OCIAD1: variants seen among roughly 807,000 people sequenced by gnomAD.
OCIAD1 encodes OCIA domain containing 1.
A neutral mutation model predicts 38.9 loss-of-function variants in OCIAD1; 29 were observed. The ratio of observed to expected loss-of-function variants is 0.74; its 90% CI spans 0.55 to 1.02. OCIAD1 has a LOEUF of 1.02. OCIAD1 is among the 50% of genes least tolerant of loss of function. The pLI, the probability that OCIAD1 is intolerant of heterozygous loss-of-function variation, is 0.00. For synonymous variants in OCIAD1, 110 were observed against 92.0 expected (o/e 1.20, Z -1.12); for missense variants, 288 against 289.6 (o/e 0.99, Z 0.04).
At chr4:48,840,132 GAGA>G (rs1341230416) in intron 3 of OCIAD1, among the ~76,000 whole-genome samples, 1 of 152,222 alleles carries the variant, frequency 6.6e-6, no homozygotes, top group Admixed American at 6.5e-5. Flanking sequence ...TTTATAGCAT[GAGA>G]AGAAGCTATG....
At chr4:48,837,642 CTTT>C (rs576203754) in intron 3 of OCIAD1, among the ~76,000 whole-genome samples, 2 of 97,668 alleles carry the variant, frequency 2.0e-5, no homozygotes, top group African/African-American at 3.6e-5. Context: ...AGCAACAGTT[CTTT>C]TTTTTTTTTT....
chr4:48,828,274 T>C (rs1327623339), upstream of OCIAD1, among the ~76,000 whole-genome samples: 2 of 152,204 alleles, frequency 1.3e-5, no homozygotes, highest in Non-Finnish European at 2.9e-5. Context: ...CAGCACTCTG[T>C]GTCTAGCTCA....
chr4:48,810,610 T>G (rs893863170), intron 1 of OCIAD1, among the ~76,000 whole-genome samples: 5 of 152,148 alleles, frequency 3.3e-5, no homozygotes, highest in African/African-American at 1.2e-4. Context: ...TATTTATTTA[T>G]TTAGTCTTTT....
chr4:48,842,171 A>G (rs971774227), intron 3 of OCIAD1, among the ~76,000 whole-genome samples: 4 of 152,216 alleles, frequency 2.6e-5, no homozygotes, highest in Non-Finnish European at 4.4e-5. Flanking sequence ...ACCTTATAGA[A>G]ATATGATAAA....
intron 1 of OCIAD1, among the ~76,000 whole-genome samples, chr4:48,807,383 A>G (rs1777038906): frequency 6.6e-6 from 1 of 152,044 alleles, no homozygotes; most frequent in Non-Finnish European, 1.5e-5. Context: ...TAAATCCTGG[A>G]TCTACTACTT....
At position 48,843,170 on chromosome 4, in the gene OCIAD1, C is replaced by T. The variant is rs532531833; in HGVS notation, c.193+481C>T. 5.9e-5 allele frequency among the ~76,000 whole-genome samples: 9 copies of T among 152,264 alleles called. No homozygotes were observed. The South Asian group carries it at 1.9e-3, about 32-fold the overall frequency. On this transcript the variant is annotated intron_variant, in intron 4 of 8. Coordinates refer to ENST00000264312, the MANE Select transcript of OCIAD1 (RefSeq NM_017830.4). ...AAAAATCAGAATCTCAGGGGTCTGG[C>T]AGGTGATCTATTTTTAACGAGCCAC...
upstream of OCIAD1, among the ~76,000 whole-genome samples, chr4:48,830,171 A>G (rs1322438015): frequency 1.3e-5 from 2 of 152,192 alleles, no homozygotes; most frequent in African/African-American, 4.8e-5. Context: ...CCAGGCCATG[A>G]TGGGCCTTAT....
chr4:48,809,273 G>A (rs1056671932), intron 1 of OCIAD1, among the ~76,000 whole-genome samples: 30 of 152,292 alleles, frequency 2.0e-4, no homozygotes, highest in South Asian at 4.1e-4. Flanking sequence ...TGTAATCCCA[G>A]CATTTTGGGA....
chr4:48,858,438 GT>G (rs1780295517), intron 8 of OCIAD1, among the ~76,000 whole-genome samples: 1 of 151,990 alleles, frequency 6.6e-6, no homozygotes, highest in African/African-American at 2.4e-5. Flanking sequence ...GGTTTTTCTC[GT>G]GTTTTTTTGT....
intron 2 of OCIAD1, 71 bp from the exon 3 acceptor site, chr4:48,833,330 G>T (rs1403852551): frequency 1.1e-6 from 1 of 896,718 alleles, no homozygotes; most frequent in African/African-American, 1.7e-5. Flanking sequence ...TAATGTTTAG[G>T]CTAAGATAAT....
intron 1 of OCIAD1, among the ~76,000 whole-genome samples, chr4:48,815,485 C>T (rs1226836996): frequency 1.3e-5 from 2 of 152,144 alleles, no homozygotes; most frequent in African/African-American, 4.8e-5. Flanking sequence ...CCTGCAAAAC[C>T]TGCCAGGGAA....
chr4:48,850,143 C>T, intron 6 of OCIAD1, 61 bp downstream of exon 6: 1 of 1,541,578 alleles, frequency 6.5e-7, no homozygotes, highest in African/African-American at 1.4e-5. Context: ...CTAGATGTTG[C>T]TATAACTCAT....
intron 7 of OCIAD1, 31 bp downstream of exon 7, chr4:48,852,006 A>G: frequency 1.3e-6 from 2 of 1,549,406 alleles, no homozygotes; most frequent in Non-Finnish European, 1.8e-6. Context: ...GAATTTCAAC[A>G]TTTTATGGTC....
intron 1 of OCIAD1, among the ~76,000 whole-genome samples, chr4:48,825,912 A>G (rs567025646): frequency 1.3e-5 from 2 of 151,726 alleles, no homozygotes; most frequent in East Asian, 3.9e-4. Context: ...ATCTTGGCTC[A>G]CTGCAACCTC....
intron 3 of OCIAD1, 127 bp from the exon 4 acceptor site, chr4:48,842,509 C>G: frequency 1.5e-6 from 1 of 645,700 alleles, no homozygotes; most frequent in Non-Finnish European, 2.7e-6. Flanking sequence ...ATGGAACAGT[C>G]TTTTTTAAAG....
chr4:48,806,457 T>C (rs1777026007), intron 1 of OCIAD1, among the ~76,000 whole-genome samples: 1 of 152,186 alleles, frequency 6.6e-6, no homozygotes, highest in Admixed American at 6.5e-5. Flanking sequence ...ACTCTACCTT[T>C]TTCTTGAAAT....
intron 4 of OCIAD1, among the ~76,000 whole-genome samples, chr4:48,846,704 C>T (rs925236732): frequency 2.0e-5 from 3 of 150,828 alleles, no homozygotes; most frequent in African/African-American, 4.9e-5. Context: ...GCTGAGATGG[C>T]GCCACTGCAC....
upstream of OCIAD1, among the ~76,000 whole-genome samples, chr4:48,826,080 C>T (rs1402931659): frequency 2.6e-5 from 4 of 152,016 alleles, no homozygotes; most frequent in African/African-American, 7.3e-5. Flanking sequence ...TCAAGTGATC[C>T]GCCCATCTCA....
At chr4:48,821,197 C>A (rs570859067) in intron 1 of OCIAD1, among the ~76,000 whole-genome samples, 1 of 152,270 alleles carries the variant, frequency 6.6e-6, no homozygotes, top group South Asian at 2.1e-4. Context: ...AAAATCTTAT[C>A]CACCACGATC....
Sources: gnomAD v4.1 joint callset for allele counts (sites outside exome capture counted in the v4.1 genomes callset) on GRCh38, gnomAD v4.1.1 for gene constraint, MANE v1.5 for transcripts, NCBI Gene and HGNC (gene_info 2026-07-23, HGNC 2026-07-21) for gene names.